The following FALEC variants were observed in gnomAD, a reference collection of about 807,000 sequenced individuals.
FALEC encodes the protein focally amplified lncRNA regulator of ECM1.
At chr1:150,534,656 A>G in the FALEC span, among the ~76,000 whole-genome samples, 1 of 152,064 alleles carries the variant, frequency 6.6e-6, no homozygotes, top group African/African-American at 2.4e-5. Context: ...ATCCTGGCCA[A>G]CATGGTGAAA....
chr1:150,532,916 A>C, the FALEC span, among the ~76,000 whole-genome samples: 1 of 152,216 alleles, frequency 6.6e-6, no homozygotes, highest in Non-Finnish European at 1.5e-5. Context: ...ATCTGTGCTG[A>C]CACCCTAGCA....
At chr1:150,517,720 T>A (rs1329984063) in intron 1 of FALEC, 7 of 152,248 alleles carry the variant, frequency 4.6e-5, no homozygotes, top group African/African-American at 1.4e-4. Context: ...CCTCCAGAAC[T>A]GTGAGAAATA....
chr1:150,526,998 C>T, the FALEC span, among the ~76,000 whole-genome samples: 10 of 149,422 alleles, frequency 6.7e-5, no homozygotes, highest in Admixed American at 6.0e-4. Flanking sequence ...TGCAGTGGTG[C>T]GATCTCGGCT....
chr1:150,534,618 C>T, the FALEC span, among the ~76,000 whole-genome samples: 7 of 152,028 alleles, frequency 4.6e-5, no homozygotes, highest in South Asian at 2.1e-4. Flanking sequence ...CCAAGGTGGG[C>T]GGATCATGAG....
chr1:150,525,596 C>T, the FALEC span, among the ~76,000 whole-genome samples: 5 of 152,112 alleles, frequency 3.3e-5, no homozygotes, highest in Non-Finnish European at 5.9e-5. Context: ...TTGGTCCCAC[C>T]GTTCTATGTT....
downstream of FALEC, among the ~76,000 whole-genome samples, chr1:150,522,748 A>G (rs1446442761): frequency 6.6e-6 from 1 of 150,684 alleles, no homozygotes; most frequent in Non-Finnish European, 1.5e-5. Flanking sequence ...AAAATACACA[A>G]TGGATTTCTA....
the FALEC span, among the ~76,000 whole-genome samples, chr1:150,529,016 C>A: frequency 5.4e-3 from 320 of 59,210 alleles, 1 homozygote; most frequent in African/African-American, 0.016. Flanking sequence ...AAATAAATAG[C>A]AAAAAAAAAA....
downstream of FALEC, among the ~76,000 whole-genome samples, chr1:150,522,939 G>C (rs1331263841): frequency 2.8e-4 from 1 of 3,520 alleles, no homozygotes; most frequent in African/African-American, 1.3e-3. Context: ...ATATATGTGT[G>C]TGTGTGTGTG....
At chr1:150,521,532 A>T (rs1051324398), downstream of FALEC, among the ~76,000 whole-genome samples, 1 of 152,222 alleles carries the variant, frequency 6.6e-6, no homozygotes, top group African/African-American at 2.4e-5. Context: ...TGCCTGCTCA[A>T]GTCCCTTGCC....
downstream of FALEC, among the ~76,000 whole-genome samples, chr1:150,520,957 A>AT (rs1670634878): frequency 6.6e-6 from 1 of 150,690 alleles, no homozygotes. Flanking sequence ...GCCTGCCAAT[A>AT]CGCCTGGCTA....
chr1:150,523,208 G>T, the FALEC span, among the ~76,000 whole-genome samples: 1 of 145,764 alleles, frequency 6.9e-6, no homozygotes, highest in Non-Finnish European at 1.5e-5. Flanking sequence ...GACCAGGCTG[G>T]TCTCAAACTC....
At chr1:150,531,417 G>A in the FALEC span, among the ~76,000 whole-genome samples, 1 of 152,028 alleles carries the variant, frequency 6.6e-6, no homozygotes, top group Non-Finnish European at 1.5e-5. Context: ...GGAGGTTGCC[G>A]TGAGCCGGGA....
the FALEC span, among the ~76,000 whole-genome samples, chr1:150,525,656 C>T: frequency 5.3e-5 from 8 of 152,202 alleles, no homozygotes; most frequent in East Asian, 3.8e-4. Flanking sequence ...CACCCAGACA[C>T]GAATGCAGTG....
At chr1:150,522,936 T>TAC (rs1176709474), downstream of FALEC, among the ~76,000 whole-genome samples, 1 of 1,626 alleles carries the variant, frequency 6.2e-4, no homozygotes, top group African/African-American at 1.7e-3. Context: ...CATATATATG[T>TAC]GTGTGTGTGT....
At chr1:150,535,944 A>G in the FALEC span, among the ~76,000 whole-genome samples, 1 of 152,218 alleles carries the variant, frequency 6.6e-6, no homozygotes, top group Non-Finnish European at 1.5e-5. Context: ...CTGCAATTTC[A>G]TCACACAGTC....
chr1:150,519,396 T>C (rs1670611201), downstream of FALEC, among the ~76,000 whole-genome samples: 1 of 152,244 alleles, frequency 6.6e-6, no homozygotes, highest in South Asian at 2.1e-4. Flanking sequence ...CAATGGGTTT[T>C]GGTATATTAC....
chr1:150,533,763 G>C, the FALEC span, among the ~76,000 whole-genome samples: 1 of 152,016 alleles, frequency 6.6e-6, no homozygotes, highest in Non-Finnish European at 1.5e-5. Flanking sequence ...TAACTCCTAA[G>C]CACTAAGAAC....
chr1:150,527,400 A>T, the FALEC span, among the ~76,000 whole-genome samples: 1 of 151,672 alleles, frequency 6.6e-6, no homozygotes, highest in African/African-American at 2.4e-5. Context: ...CTGGGATTAC[A>T]GGTGCCCACC....
At chr1:150,531,586 C>T in the FALEC span, among the ~76,000 whole-genome samples, 104,591 of 151,950 alleles carry the variant, frequency 0.69, 36,416 homozygotes, top group East Asian at 0.74. Flanking sequence ...TAAATCAGGC[C>T]TGCAAGAAGC....
Sources: gnomAD v4.1 joint callset for allele counts (sites outside exome capture counted in the v4.1 genomes callset) on GRCh38, gnomAD v4.1.1 for gene constraint, MANE v1.5 for transcripts, NCBI Gene and HGNC (gene_info 2026-07-23, HGNC 2026-07-21) for gene names.